KIF6: variants seen among roughly 807,000 people sequenced by gnomAD.
KIF6 encodes the protein kinesin-like protein KIF6.
A neutral mutation model predicts 112.7 loss-of-function variants in KIF6; 106 were observed. The ratio of observed to expected loss-of-function variants is 0.94; its 90% confidence interval spans 0.80 to 1.11. The LOEUF is 1.11. Ranked by LOEUF, KIF6 falls within the 50% of genes least tolerant of loss-of-function variation. The pLI is 0.00. For synonymous variants in KIF6, 339 were observed against 339.9 expected, an observed-to-expected ratio of 1.00 and a Z score of 0.03; for missense variants, 929 against 964.0, an observed-to-expected ratio of 0.96 and a Z score of 0.48.
chr6:39,408,657 C>T (rs935553807), intron 15 of KIF6, among the ~76,000 whole-genome samples: 1 of 152,038 alleles, frequency 6.6e-6, no homozygotes, highest in Admixed American at 6.5e-5. Context: ...TTCTTTCTCT[C>T]CAAATGCACA....
At chr6:39,529,524 T>A (rs1194077453) in intron 13 of KIF6, among the ~76,000 whole-genome samples, 1 of 152,148 alleles carries the variant, frequency 6.6e-6, no homozygotes, top group African/African-American at 2.4e-5. Context: ...CAGTGGCTCA[T>A]GCCTGTAATC....
At chr6:39,367,987 C>T (rs936209488) in intron 16 of KIF6, among the ~76,000 whole-genome samples, 2 of 152,126 alleles carry the variant, frequency 1.3e-5, no homozygotes, top group Admixed American at 1.3e-4. Flanking sequence ...TGTTAAGAAA[C>T]ACTGCTTATG....
chr6:39,390,069 C>T (rs1044860430), intron 15 of KIF6, among the ~76,000 whole-genome samples: 5 of 142,768 alleles, frequency 3.5e-5, no homozygotes, highest in African/African-American at 1.4e-4. Flanking sequence ...AATTACAAAT[C>T]TGGAGGTAGA....
At chr6:39,578,933 A>AT (rs1781134022) in intron 9 of KIF6, among the ~76,000 whole-genome samples, 1 of 152,098 alleles carries the variant, frequency 6.6e-6, no homozygotes, top group South Asian at 2.1e-4. Flanking sequence ...TAGTTCATTA[A>AT]TTTTCATGGA....
chr6:39,696,867 G>C (rs1788571702), intron 3 of KIF6, among the ~76,000 whole-genome samples: 1 of 151,428 alleles, frequency 6.6e-6, no homozygotes, highest in Non-Finnish European at 1.5e-5. Context: ...TTTAAATCTA[G>C]TATAACTACA....
intron 20 of KIF6, 82 bp downstream of exon 20, chr6:39,346,394 T>G: frequency 1.4e-6 from 1 of 715,030 alleles, no homozygotes; most frequent in Non-Finnish European, 2.6e-6. Flanking sequence ...AAAAGAGACA[T>G]TGGAGAGCTC....
At chr6:39,612,180 G>A (rs1353681240) in intron 6 of KIF6, among the ~76,000 whole-genome samples, 6 of 152,178 alleles carry the variant, frequency 3.9e-5, no homozygotes, top group African/African-American at 1.4e-4. Flanking sequence ...CTAAGGCAGG[G>A]CATTCTAGAG....
At chr6:39,651,362 G>A (rs948592640) in intron 3 of KIF6, among the ~76,000 whole-genome samples, 2 of 152,184 alleles carry the variant, frequency 1.3e-5, no homozygotes, top group Non-Finnish European at 2.9e-5. Flanking sequence ...TGTCTGAGAA[G>A]TTTGGAGAGA....
At chr6:39,583,317 A>T (rs1375114730) in intron 9 of KIF6, 4 of 457,344 alleles carry the variant, frequency 8.7e-6, no homozygotes, top group Non-Finnish European at 1.8e-5. Flanking sequence ...AATCCACCCT[A>T]GCAGTTCAGT....
At chr6:39,512,748 C>T (rs1776852156) in intron 13 of KIF6, among the ~76,000 whole-genome samples, 2 of 152,196 alleles carry the variant, frequency 1.3e-5, no homozygotes, top group African/African-American at 2.4e-5. Context: ...CAGATCCTTT[C>T]AACCAGAGGC....
chr6:39,337,096 CTT>C (rs1299348023), intron 22 of KIF6, among the ~76,000 whole-genome samples: 1 of 119,310 alleles, frequency 8.4e-6, no homozygotes, highest in Admixed American at 9.8e-5. Flanking sequence ...TCTTTCCTTT[CTT>C]TCTTCTTTCT....
At chr6:39,466,819 G>A (rs1773818848) in intron 13 of KIF6, among the ~76,000 whole-genome samples, 2 of 152,310 alleles carry the variant, frequency 1.3e-5, no homozygotes, top group South Asian at 4.1e-4. Flanking sequence ...TAAGGCAGAA[G>A]TTCTCTTCCA....
At chr6:39,444,493 CT>C (rs1394109145) in intron 13 of KIF6, among the ~76,000 whole-genome samples, 1 of 152,090 alleles carries the variant, frequency 6.6e-6, no homozygotes, top group Non-Finnish European at 1.5e-5. Context: ...AAAAGACCTT[CT>C]GTTAACAAGT....
chr6:39,440,507 A>G (rs1771848737), intron 13 of KIF6, among the ~76,000 whole-genome samples: 1 of 152,144 alleles, frequency 6.6e-6, no homozygotes, highest in South Asian at 2.1e-4. Context: ...AGACAAAAAT[A>G]TCGTCACCTA....
At chr6:39,649,721 TAA>T (rs1785361406) in intron 3 of KIF6, among the ~76,000 whole-genome samples, 2 of 59,400 alleles carry the variant, frequency 3.4e-5, no homozygotes, top group African/African-American at 9.6e-5. Flanking sequence ...ACACTCTGAT[TAA>T]AGAAAGAAAG....
rs141709167 is a variant in KIF6, at chr6:39,539,197, C to T, written c.1645+806G>A. The stretch of plus-strand genomic sequence containing the variant: ...CTAACCTGCATATTGTGCACATGTA[C>T]CCGAAAACTTAAAGTATAATAATAA... On this transcript the variant is annotated intron_variant, in intron 13 of 22. Transcript: ENST00000287152. 9.0e-3 allele frequency among the ~76,000 whole-genome samples: 1,346 copies of T among 150,276 alleles called. 17 individuals carry two copies. Among genetic ancestry groups the T allele is most frequent in the African/African-American group, 0.03 (1,235 of 40,746 alleles).
chr6:39,500,921 G>A (rs1393509696), intron 13 of KIF6, among the ~76,000 whole-genome samples: 3 of 152,094 alleles, frequency 2.0e-5, no homozygotes, highest in Admixed American at 6.5e-5. Context: ...GGGAGAGAGG[G>A]GAGTGGCATA....
intron 3 of KIF6, among the ~76,000 whole-genome samples, chr6:39,644,071 A>G (rs1177076179): frequency 1.3e-5 from 2 of 152,126 alleles, no homozygotes; most frequent in East Asian, 3.9e-4. Flanking sequence ...AATAACATAT[A>G]AAAAGATGCT....
chr6:39,567,215 C>A lies in KIF6; in HGVS notation c.1181+10841G>T, dbSNP rs75055995. On this transcript the variant is annotated intron_variant, in intron 10 of 22. Transcript: ENST00000287152. Reference sequence around the variant, plus strand: ...GTGCTTGTGGGCCTGGCATTGTGTTCAGTACATAACACGAATTACCCCATC... The same window carrying A: ...GTGCTTGTGGGCCTGGCATTGTGTTAAGTACATAACACGAATTACCCCATC... Among the ~76,000 whole-genome samples the A allele has an allele frequency of 9.4e-3, 1,425 of 152,272 alleles. 23 individuals carry two copies. The highest frequency in any genetic ancestry group is 0.033 in the African/African-American group (1,355 of 41,550).
Sources: gnomAD v4.1 joint callset for allele counts (sites outside exome capture counted in the v4.1 genomes callset) on GRCh38, gnomAD v4.1.1 for gene constraint, MANE v1.5 for transcripts, NCBI Gene and HGNC (gene_info 2026-07-23, HGNC 2026-07-21) for gene names.